GPHN: variants seen among roughly 807,000 people sequenced by gnomAD.
GPHN encodes the protein gephyrin.
A neutral mutation model predicts 95.5 loss-of-function variants in GPHN; 17 were observed. The observed-to-expected ratio is 0.18, with a 90% CI of 0.12 to 0.27. The LOEUF is 0.27. Among genes scored for constraint, GPHN ranks in the 10% least tolerant of loss-of-function variants. The pLI is 1.00. For missense variants in GPHN, 660 were observed against 978.1 expected (o/e 0.67, Z 4.34); for synonymous variants, 320 against 322.5 (o/e 0.99, Z 0.08).
At chr14:67,364,835 A>G in the GPHN span, 1 of 1,614,038 alleles carries the variant, frequency 6.2e-7, no homozygotes, top group Non-Finnish European at 8.5e-7. Flanking sequence ...GTGATGGTGA[A>G]TGTCAGATCC....
intron 12 of GPHN, among the ~76,000 whole-genome samples, chr14:67,093,329 G>T (rs1451292585): frequency 6.6e-6 from 1 of 151,974 alleles, no homozygotes; most frequent in East Asian, 1.9e-4. Flanking sequence ...ACATACAGTG[G>T]GTTAGAATAC....
intron 9 of GPHN, among the ~76,000 whole-genome samples, chr14:66,986,988 C>T (rs1193996583): frequency 6.6e-6 from 1 of 152,124 alleles, no homozygotes; most frequent in East Asian, 1.9e-4. Flanking sequence ...AAAAGCCATC[C>T]TCTCTGTTCT....
chr14:66,784,227 T>C (rs998213003), intron 3 of GPHN, among the ~76,000 whole-genome samples: 10 of 152,086 alleles, frequency 6.6e-5, no homozygotes, highest in African/African-American at 2.4e-4. Flanking sequence ...ATCACCAATA[T>C]AGAAAACTCA....
chr14:67,457,106 A>G, the GPHN span, among the ~76,000 whole-genome samples: 1 of 152,170 alleles, frequency 6.6e-6, no homozygotes, highest in Non-Finnish European at 1.5e-5. Context: ...AGAAGGGAAC[A>G]ATAGACACCA....
chr14:66,907,033 C>A (rs1324724204), intron 5 of GPHN, among the ~76,000 whole-genome samples: 7 of 152,082 alleles, frequency 4.6e-5, no homozygotes, highest in African/African-American at 1.7e-4. Flanking sequence ...CTATCATATA[C>A]CATTAAAGTG....
At chr14:67,139,874 A>G (rs1463305293) in intron 17 of GPHN, among the ~76,000 whole-genome samples, 1 of 152,112 alleles carries the variant, frequency 6.6e-6, no homozygotes, top group East Asian at 1.9e-4. Context: ...ACAAGATAAC[A>G]TTTACAACTT....
At chr14:67,652,271 T>C in the GPHN span, 1 of 152,382 alleles carries the variant, frequency 6.6e-6, no homozygotes, top group African/African-American at 2.4e-5. Flanking sequence ...ACAATTCAAA[T>C]ATTGTCTTCA....
the GPHN span, chr14:67,594,027 G>A: frequency 1.1e-6 from 1 of 941,890 alleles, no homozygotes; most frequent in Admixed American, 2.1e-5. Flanking sequence ...AGGGGAACAT[G>A]CATGGAGGAA....
the GPHN span, among the ~76,000 whole-genome samples, chr14:67,641,665 G>GTTA: frequency 6.6e-6 from 1 of 152,302 alleles, no homozygotes; most frequent in Non-Finnish European, 1.5e-5. Context: ...TCTTGGCCAG[G>GTTA]CAGGTGGCTC....
At chr14:67,573,677 C>T in the GPHN span, 1 of 736,842 alleles carries the variant, frequency 1.4e-6, no homozygotes, top group Admixed American at 2.1e-5. This position sits in a 1 kb window ranked among gnomAD's most constrained non-coding sequence, Gnocchi z 4.8. Flanking sequence ...CATCATAACA[C>T]AGCCAGAATG....
the GPHN span, among the ~76,000 whole-genome samples, chr14:67,682,543 A>C: frequency 6.6e-6 from 1 of 152,250 alleles, no homozygotes; most frequent in African/African-American, 2.4e-5. Context: ...ATGAAAATAA[A>C]AACAAGATAT....
chr14:66,604,198 G>A (rs1032683683), intron 1 of GPHN, among the ~76,000 whole-genome samples: 1 of 152,096 alleles, frequency 6.6e-6, no homozygotes, highest in African/African-American at 2.4e-5. Flanking sequence ...CAGTAATATA[G>A]GTGGTAGTAT....
the GPHN span, chr14:67,616,501 CTGTTTGTTG>C: frequency 6.3e-6 from 1 of 157,922 alleles, no homozygotes; most frequent in East Asian, 1.9e-4. Context: ...AAAGTTGCAG[CTGTTTGTTG>C]ACATTCTGAA....
chr14:66,875,072 A>T (rs772621356), intron 4 of GPHN, among the ~76,000 whole-genome samples: 1 of 152,222 alleles, frequency 6.6e-6, no homozygotes, highest in East Asian at 1.9e-4. Flanking sequence ...CAGAAACCCA[A>T]CAAGCCAGAA....
the GPHN span, chr14:67,593,642 A>G: frequency 6.0e-6 from 4 of 671,940 alleles, no homozygotes; most frequent in South Asian, 5.4e-5. Context: ...CCTTTTAAAT[A>G]TAAGTCTCAC....
intron 4 of GPHN, among the ~76,000 whole-genome samples, chr14:66,877,599 A>G (rs2063728837): frequency 2.0e-5 from 3 of 152,130 alleles, no homozygotes; most frequent in Admixed American, 1.3e-4. Context: ...TAATAGACCA[A>G]CAGAGAGCCA....
chr14:66,922,564 G>A, intron 6 of GPHN, 102 bp from the exon 7 acceptor site: 1 of 868,338 alleles, frequency 1.2e-6, no homozygotes, highest in Non-Finnish European at 1.8e-6. Flanking sequence ...GATTGATGGA[G>A]GAAAATGCAA....
At chr14:67,142,077 G>T (rs1000294048) in intron 17 of GPHN, among the ~76,000 whole-genome samples, 22 of 152,184 alleles carry the variant, frequency 1.4e-4, no homozygotes, top group African/African-American at 5.3e-4. Context: ...CCTCAAGGGG[G>T]ATGAAAGGCA....
the GPHN span, among the ~76,000 whole-genome samples, chr14:67,321,641 ATTTTATTTTTCCT>A: frequency 6.6e-6 from 1 of 152,270 alleles, no homozygotes; most frequent in South Asian, 2.1e-4. Flanking sequence ...CCTGAAGGTA[ATTTTATTTTTCCT>A]GGGGATATTG....
Sources: allele counts gnomAD v4.1 joint callset (sites outside exome capture counted in the v4.1 genomes callset), GRCh38; gene constraint gnomAD v4.1.1; non-coding constraint Gnocchi (gnomAD v3.1); transcripts MANE v1.5; gene names NCBI Gene and HGNC (gene_info 2026-07-23, HGNC 2026-07-21).